RABL3: variants seen among roughly 807,000 people sequenced by gnomAD.
The protein encoded by RABL3 is rab-like protein 3.
RABL3 carries 31 observed loss-of-function variants against 31.8 expected under a neutral mutation model. That is an observed-to-expected ratio of 0.97 (90% CI 0.73 to 1.31). The LOEUF (loss-of-function observed/expected upper bound fraction) is 1.31. RABL3 is among the 40% of genes most tolerant of loss of function. RABL3 has a pLI of 0.00. For synonymous variants in RABL3, 97 were observed against 99.9 expected (o/e 0.97, Z 0.18); for missense variants, 263 against 279.6 (o/e 0.94, Z 0.42).
intron 5 of RABL3, among the ~76,000 whole-genome samples, chr3:120,694,738 C>G (rs956161196): frequency 1.3e-5 from 2 of 151,964 alleles, no homozygotes; most frequent in African/African-American, 4.8e-5. Flanking sequence ...TCTTTAGATG[C>G]AAGGTACTAC....
chr3:120,725,941 G>A (rs901783622), intron 2 of RABL3, among the ~76,000 whole-genome samples: 1 of 152,102 alleles, frequency 6.6e-6, no homozygotes, highest in African/African-American at 2.4e-5. Context: ...AAAACTTAAA[G>A]TATAATAAAA....
At chr3:120,737,875 C>T (rs377752991) in intron 1 of RABL3, among the ~76,000 whole-genome samples, 71 of 152,348 alleles carry the variant, frequency 4.7e-4, no homozygotes, top group African/African-American at 1.6e-3. Context: ...CCTGATCATT[C>T]ATTCCTCTGG....
intron 4 of RABL3, among the ~76,000 whole-genome samples, chr3:120,701,847 C>T (rs1453246961): frequency 6.6e-6 from 1 of 152,104 alleles, no homozygotes; most frequent in Non-Finnish European, 1.5e-5. Context: ...AAACTCTATC[C>T]TGTCTTTCCC....
chr3:120,723,003 C>T (rs1480594793), intron 2 of RABL3, among the ~76,000 whole-genome samples: 2 of 152,096 alleles, frequency 1.3e-5, no homozygotes, highest in Non-Finnish European at 2.9e-5. Flanking sequence ...ATCAATGAAT[C>T]CAGGAGCTGG....
Position 120,685,209 on chromosome 3 carries a change from T to C in RABL3, c.*4614A>G, listed in dbSNP as rs993486149. Among the ~76,000 whole-genome samples the C allele has an allele frequency of 6.6e-6, 1 of 152,142 alleles. No individual in the cohort carries two copies. Among genetic ancestry groups the C allele is most frequent in the African/African-American group, 2.4e-5 (1 of 41,440 alleles). On this transcript the variant is annotated 3_prime_UTR_variant, in exon 8 of 8. Transcript: ENST00000273375. ...ATCCAGGAATTGCTACAAGGTAATG[T>C]GAAGCAGGGTGTGACAGGTCTACAG...
At chr3:120,738,804 ATTATTAGATATTTAGGGTGT>A (rs1709004191) in intron 1 of RABL3, 2 of 152,288 alleles carry the variant, frequency 1.3e-5, no homozygotes, top group South Asian at 4.1e-4. Flanking sequence ...TTCTTCCATT[ATTATTAGATATTTAGGGTGT>A]TTTGAAATTT....
At chr3:120,693,306 G>C (rs902282825) in intron 6 of RABL3, among the ~76,000 whole-genome samples, 1 of 152,052 alleles carries the variant, frequency 6.6e-6, no homozygotes, top group Non-Finnish European at 1.5e-5. Flanking sequence ...TTATCTAAAG[G>C]TGGGGCTTAT....
At chr3:120,692,681 T>C (rs1459820915) in intron 6 of RABL3, among the ~76,000 whole-genome samples, 2 of 152,196 alleles carry the variant, frequency 1.3e-5, no homozygotes, top group African/African-American at 4.8e-5. Context: ...TTGGTTTTGG[T>C]CATAATTCTT....
chr3:120,696,334 T>C (rs1708435056), intron 5 of RABL3, among the ~76,000 whole-genome samples: 6 of 152,204 alleles, frequency 3.9e-5, no homozygotes, highest in Admixed American at 3.9e-4. Context: ...TTATATTTAA[T>C]TGCTGAATTT....
chr3:120,697,061 C>T (rs989994345), intron 5 of RABL3, among the ~76,000 whole-genome samples: 5 of 152,210 alleles, frequency 3.3e-5, no homozygotes, highest in Admixed American at 1.3e-4. Flanking sequence ...TCCTGCCAGG[C>T]TTGATGAATA....
rs191658137 is a variant in RABL3 at position 120,685,163 on chromosome 3, A to T, written c.*4660T>A. On this transcript the variant is annotated 3_prime_UTR_variant, in exon 8 of 8. Coordinates refer to ENST00000273375, the MANE Select transcript of RABL3 (RefSeq NM_173825.5). ...CCAAGTCCCATAGAGTAAGAGTTGGATAGAAAGTGGAAAACATTACATCCA... is the reference window on the plus strand; with the variant it reads ...CCAAGTCCCATAGAGTAAGAGTTGGTTAGAAAGTGGAAAACATTACATCCA... Among the ~76,000 whole-genome samples, 74 of 152,330 alleles carry T rather than the reference A, an allele frequency of 4.9e-4. No homozygotes were observed. The highest frequency in any genetic ancestry group is 3.4e-3 in the Middle Eastern group (1 of 294).
chr3:120,735,524 T>C lies in RABL3; in HGVS notation c.47-4737A>G, dbSNP rs1179578464. 2.0e-5 allele frequency among the ~76,000 whole-genome samples: 3 copies of C among 152,234 alleles called. No homozygotes were observed. The East Asian group carries it at 5.8e-4, about 29-fold the overall frequency. On this transcript the variant is annotated intron_variant, in intron 1 of 7. Transcript: ENST00000273375. ...CTGGATTCATTGATTTTTTGAAGGG[T>C]TTTTTGTGTCTCTATGTCCTTCAGT...
Position 120,739,878 on chromosome 3 carries a change from T to C in RABL3, c.46+2584A>G, listed in dbSNP as rs566343209. ...GGTAAACATTTCCAGGCAGTAGAAT[T>C]GTATAGCTCTCCATGAATTAACTGC... is the stretch of plus-strand genomic sequence containing the variant. On this transcript the variant is annotated intron_variant, in intron 1 of 7. Coordinates refer to ENST00000273375, the MANE Select transcript of RABL3 (RefSeq NM_173825.5). Among the ~76,000 whole-genome samples, 5 of 152,294 alleles carry C rather than the reference T, an allele frequency of 3.3e-5. No homozygotes were observed. The South Asian group carries it at 1.0e-3, about 32-fold the overall frequency.
At chr3:120,712,269 C>T (rs1353540022) in intron 2 of RABL3, among the ~76,000 whole-genome samples, 1 of 152,048 alleles carries the variant, frequency 6.6e-6, no homozygotes, top group Non-Finnish European at 1.5e-5. Context: ...GAGAATAGCA[C>T]AGTTGCAGCA....
intron 1 of RABL3, among the ~76,000 whole-genome samples, chr3:120,740,654 C>T (rs1709030218): frequency 6.6e-6 from 1 of 152,132 alleles, no homozygotes; most frequent in African/African-American, 2.4e-5. Context: ...GAAAGAAAGG[C>T]TGAGGAAGTG....
At chr3:120,710,095 T>G (rs538313165) in intron 2 of RABL3, among the ~76,000 whole-genome samples, 186 bp from the exon 3 acceptor site, 1 of 152,228 alleles carries the variant, frequency 6.6e-6, no homozygotes, top group Admixed American at 6.5e-5. Context: ...TTAATTAATC[T>G]TAACATCTTT....
chr3:120,736,033 G>A (rs1164883315), intron 1 of RABL3, among the ~76,000 whole-genome samples: 1 of 152,196 alleles, frequency 6.6e-6, no homozygotes, highest in Non-Finnish European at 1.5e-5. Context: ...GATTTGGGAT[G>A]GAGAGTTCTG....
chr3:120,734,183 G>C (rs990818906), intron 1 of RABL3, among the ~76,000 whole-genome samples: 5 of 152,180 alleles, frequency 3.3e-5, no homozygotes, highest in African/African-American at 7.2e-5. Context: ...CATGAGCATG[G>C]AATGTTCTTC....
chr3:120,721,302 A>G (rs1481419920), intron 2 of RABL3, among the ~76,000 whole-genome samples: 5 of 152,236 alleles, frequency 3.3e-5, no homozygotes, highest in African/African-American at 1.2e-4. Flanking sequence ...ACCAGCTAAC[A>G]TTATAATGAC....
Sources: allele counts gnomAD v4.1 joint callset (sites outside exome capture counted in the v4.1 genomes callset), GRCh38; gene constraint gnomAD v4.1.1; transcripts MANE v1.5; gene names NCBI Gene and HGNC (gene_info 2026-07-23, HGNC 2026-07-21).